Variants in CFLAR observed in about 807,000 individuals in gnomAD.
CFLAR encodes the protein CASP8 and FADD-like apoptosis regulator.
CFLAR carries 14 observed loss-of-function variants against 51.1 expected under a neutral mutation model. The observed-to-expected ratio is 0.27, with a 90% CI of 0.18 to 0.43. CFLAR has a LOEUF of 0.43. Among genes scored for constraint, CFLAR ranks in the 20% least tolerant of loss-of-function variants. The probability of loss-of-function intolerance (pLI) is 1.00; values close to 1 mark genes in which losing one functional copy is unlikely to be tolerated. For missense variants in CFLAR, 390 were observed against 566.5 expected, an observed-to-expected ratio of 0.69 and a Z score of 3.16; for synonymous variants, 210 against 211.6, an observed-to-expected ratio of 0.99 and a Z score of 0.06.
At chr2:201,145,149 G>A (rs1278272076) in intron 5 of CFLAR, among the ~76,000 whole-genome samples, 4 of 152,076 alleles carry the variant, frequency 2.6e-5, no homozygotes, top group African/African-American at 4.8e-5. Context: ...CATCGCTCCC[G>A]GCCTATTTTC....
At position 201,130,122 on chromosome 2, in the gene CFLAR, A is replaced by G; in HGVS notation, c.257A>G (p.Asn86Ser). The G allele has an allele frequency of 1.6e-6, 2 of 1,271,530 alleles. No individual in the cohort carries two copies. The highest frequency in any genetic ancestry group is 3.7e-5 in the African/African-American group (2 of 53,744). 78.8% of individuals were successfully genotyped at this position (1,271,530 alleles called of 1,614,324 possible). The change falls in exon 2 of 10, where the codon AAC becomes AGC. Residue 86 changes from asparagine to serine, a missense_variant. Transcript: ENST00000309955. ...GCTGTGGAGACCCACCTGCTCAGGA[A>G]CCCTCACCTTGTTTCGGACTATAGG... ...RKAVETHLLR[N>S]PHLVSDYRVL...
intron 4 of CFLAR, chr2:201,137,340 G>T (rs1223458052): frequency 5.9e-6 from 2 of 336,932 alleles, no homozygotes; most frequent in African/African-American, 4.3e-5. Context: ...ACTCTGCAGG[G>T]GATGCCCAGC....
intron 9 of CFLAR, among the ~76,000 whole-genome samples, chr2:201,162,840 G>A (rs1488297080): frequency 6.6e-6 from 1 of 152,186 alleles, no homozygotes; most frequent in Non-Finnish European, 1.5e-5. Flanking sequence ...CATTTCTACA[G>A]CATCAGTTTA....
chr2:201,145,368 G>C lies in CFLAR; in HGVS notation c.607-10G>C. The C allele has an allele frequency of 1.3e-6, 2 of 1,580,748 alleles. No individual in the cohort carries two copies. Among genetic ancestry groups the C allele is most frequent in the Non-Finnish European group, 1.7e-6 (2 of 1,150,560 alleles). On this transcript the variant is annotated splice_polypyrimidine_tract_variant and intron_variant, in intron 5 of 9. Coordinates refer to ENST00000309955, the MANE Select transcript of CFLAR (RefSeq NM_003879.7). ...AACAGGAAGTATGACCTTATTCTTT[G>C]TATTTGAAGCTCCATAATGGGAGAA... is the stretch of plus-strand genomic sequence containing the variant.
intron 8 of CFLAR, among the ~76,000 whole-genome samples, chr2:201,155,554 G>A (rs1030122307): frequency 6.6e-6 from 1 of 151,974 alleles, no homozygotes; most frequent in African/African-American, 2.4e-5. Context: ...ATGAGCCATC[G>A]CACCTGGCCA....
At chr2:201,131,729 G>T (rs578024155) in intron 2 of CFLAR, among the ~76,000 whole-genome samples, 16 of 152,096 alleles carry the variant, frequency 1.1e-4, no homozygotes, top group African/African-American at 3.9e-4. Flanking sequence ...TTGAGACAGG[G>T]TCTTGCTCTG....
Position 201,173,005 on chromosome 2 carries a change from A to T in CFLAR, c.*9032A>T, listed in dbSNP as rs1203359707. ...TTTCAAAGTAGTAGCATCATTTTAT[A>T]TTCCCACCAGCAGTGTATGAGGTTT... On this transcript the variant is annotated 3_prime_UTR_variant, in exon 10 of 10. Transcript: ENST00000309955. 6.6e-6 allele frequency: 1 copy of T among 152,202 alleles called. No homozygotes were observed. Among genetic ancestry groups the T allele is most frequent in the African/African-American group, 2.4e-5 (1 of 41,444 alleles). 9.4% of individuals were successfully genotyped at this position (152,202 alleles called of 1,614,324 possible).
chr2:201,168,071 T>A lies in CFLAR; in HGVS notation c.*4098T>A, dbSNP rs778122597. 5 of 152,058 alleles carry A rather than the reference T, an allele frequency of 3.3e-5. No individual in the cohort carries two copies. The highest frequency in any genetic ancestry group is 6.6e-5 in the Admixed American group (1 of 15,252). 9.4% of individuals were successfully genotyped at this position (152,058 alleles called of 1,614,324 possible). ...ATCCTGGCTAACATGTAAAACCCCGTCTCTACTAAAAATACAAAAAATTAG... is the reference window on the plus strand; with the variant it reads ...ATCCTGGCTAACATGTAAAACCCCGACTCTACTAAAAATACAAAAAATTAG... On this transcript the variant is annotated 3_prime_UTR_variant, in exon 10 of 10. Coordinates refer to ENST00000309955, the MANE Select transcript of CFLAR (RefSeq NM_003879.7).
intron 4 of CFLAR, chr2:201,139,025 A>G (rs1354079377): frequency 6.7e-5 from 31 of 465,356 alleles, no homozygotes; most frequent in Middle Eastern, 6.8e-4. Flanking sequence ...AAGAGAGATC[A>G]GATTGTTACT....
chr2:201,163,780 G>C (rs1943288081), intron 9 of CFLAR, 55 bp from the exon 10 acceptor site: 5 of 1,571,108 alleles, frequency 3.2e-6, no homozygotes, highest in Non-Finnish European at 4.3e-6. Flanking sequence ...CCTAATGACA[G>C]TCTTCTCTTT....
At chr2:201,132,810 A>G (rs2125687838) in intron 2 of CFLAR, 1 of 410,988 alleles carries the variant, frequency 2.4e-6, no homozygotes, top group African/African-American at 2.0e-5. Flanking sequence ...AGGATGTACC[A>G]TCTCCTATTA....
chr2:201,148,749 G>A (rs1228160476), intron 6 of CFLAR: 7 of 413,504 alleles, frequency 1.7e-5, no homozygotes, highest in South Asian at 1.6e-4. Context: ...ACGGGGTAGG[G>A]GAGAGCCTTC....
chr2:201,145,176 A>C (rs1939860511), intron 5 of CFLAR, among the ~76,000 whole-genome samples: 2 of 152,072 alleles, frequency 1.3e-5, no homozygotes, highest in African/African-American at 2.4e-5. Context: ...TAAAAGCAGA[A>C]TTTCCCTGTT....
rs565958021 is a variant in CFLAR, at chr2:201,168,866, G to C, written c.*4893G>C. On this transcript the variant is annotated 3_prime_UTR_variant, in exon 10 of 10. Coordinates refer to ENST00000309955, the MANE Select transcript of CFLAR (RefSeq NM_003879.7). ...AATCATGAATGAACTCCCATTCACA[G>C]TTGCTAGAAAGAGAATAAAATACCT... is the stretch of plus-strand genomic sequence containing the variant. 8.5e-4 allele frequency: 129 copies of C among 152,182 alleles called. No individual in the cohort carries two copies. The highest frequency in any genetic ancestry group is 2.9e-3 in the African/African-American group (120 of 41,518). The allele number at this position is 152,182 out of a possible 1,614,324, so 9.4% of individuals were successfully genotyped here.
intron 8 of CFLAR, among the ~76,000 whole-genome samples, chr2:201,160,159 A>C (rs899249059): frequency 3.9e-5 from 6 of 152,124 alleles, no homozygotes; most frequent in African/African-American, 1.4e-4. Context: ...GTTTGATTGG[A>C]CTAGAGTGGG....
At chr2:201,132,428 A>G (rs2518138) in intron 2 of CFLAR, among the ~76,000 whole-genome samples, 5 of 127,024 alleles carry the variant, frequency 3.9e-5, no homozygotes, top group African/African-American at 1.3e-4. Context: ...TAGGGGGGGA[A>G]AAATATATAT....
At chr2:201,156,587 C>T (rs1481477460) in intron 8 of CFLAR, among the ~76,000 whole-genome samples, 1 of 152,142 alleles carries the variant, frequency 6.6e-6, no homozygotes, top group Non-Finnish European at 1.5e-5. Flanking sequence ...TTAATGAAGT[C>T]ATGACATTTT....
At chr2:201,134,036 C>T (rs995284458) in intron 3 of CFLAR, among the ~76,000 whole-genome samples, 13 of 151,128 alleles carry the variant, frequency 8.6e-5, no homozygotes, top group African/African-American at 2.2e-4. Flanking sequence ...TGGCCAGGCA[C>T]GGTGGCTCAC....
chr2:201,141,341 T>C (rs1938798319), intron 5 of CFLAR: 1 of 1,548,130 alleles, frequency 6.5e-7, no homozygotes, highest in East Asian at 2.4e-5. Flanking sequence ...AGTCTACACA[T>C]ATATTTCATT....
Sources: allele counts gnomAD v4.1 joint callset (sites outside exome capture counted in the v4.1 genomes callset), GRCh38; gene constraint gnomAD v4.1.1; transcripts MANE v1.5; gene names NCBI Gene and HGNC (gene_info 2026-07-23, HGNC 2026-07-21).